CACNA2D3: variants seen among roughly 807,000 people sequenced by gnomAD.
The protein encoded by CACNA2D3 is calcium voltage-gated channel auxiliary subunit alpha2delta 3, also known as voltage-dependent calcium channel subunit alpha-2/delta-3.
CACNA2D3 carries 60 observed loss-of-function variants against 160.6 expected under a neutral mutation model. The observed-to-expected ratio is 0.37, with a 90% CI of 0.30 to 0.46. The LOEUF (loss-of-function observed/expected upper bound fraction) is 0.46, where lower values mean the gene tolerates loss of function less well. CACNA2D3 is among the 20% of genes least tolerant of loss of function. The probability of loss-of-function intolerance (pLI) is 1.00; values close to 1 mark genes in which losing one functional copy is unlikely to be tolerated. For missense variants in CACNA2D3, 1,205 were observed against 1,365.0 expected (o/e 0.88, Z 1.85); for synonymous variants, 558 against 492.9 (o/e 1.13, Z -1.75).
At chr3:54,867,633 C>A (rs141108827) in intron 17 of CACNA2D3, among the ~76,000 whole-genome samples, 138 of 151,994 alleles carry the variant, frequency 9.1e-4, no homozygotes, top group African/African-American at 3.0e-3. Context: ...TCCAGGTGCA[C>A]ACACCACCTT....
chr3:54,862,862 G>C (rs1026177113), intron 17 of CACNA2D3, among the ~76,000 whole-genome samples: 1 of 152,178 alleles, frequency 6.6e-6, no homozygotes, highest in African/African-American at 2.4e-5. Flanking sequence ...AGTGAATAAA[G>C]GAAGTCAATG....
chr3:55,033,830 A>ATATTTATTATATATTAAATATATTT lies in CACNA2D3; in HGVS notation c.2987+15516_2987+15517insTTATTATATATTAAATATATTTTAT, dbSNP rs1559469603. ...ATGTATTATATATTAAATATATTTA[A>ATATTTATTATATATTAAATATATTT]TATATAATATATATTACATATTAAA... On this transcript the variant is annotated intron_variant, in intron 35 of 37. Coordinates refer to ENST00000474759, the MANE Select transcript of CACNA2D3 (RefSeq NM_018398.3). 6.3e-5 allele frequency among the ~76,000 whole-genome samples: 3 copies of ATATTTATTATATATTAAATATATTT among 47,910 alleles called. 1 individual carries two copies. Among genetic ancestry groups the ATATTTATTATATATTAAATATATTT allele is most frequent in the East Asian group, 9.6e-4 (2 of 2,094 alleles). 31.4% of individuals were successfully genotyped at this position (47,910 alleles called of 152,430 possible). A position where few individuals can be genotyped will look rare whatever the true frequency, so the allele number is the denominator to read the frequency against.
At chr3:54,986,541 A>G (rs1439882476) in intron 30 of CACNA2D3, among the ~76,000 whole-genome samples, 1 of 152,118 alleles carries the variant, frequency 6.6e-6, no homozygotes, top group Non-Finnish European at 1.5e-5. Flanking sequence ...CAGTCAGAGA[A>G]ATGTTGTTTC....
intron 27 of CACNA2D3, among the ~76,000 whole-genome samples, chr3:54,933,051 CCCTT>C (rs60554563): frequency 0.058 from 8,086 of 139,120 alleles, 303 homozygotes; most frequent in Middle Eastern, 0.076. Context: ...ATCCATCCCT[CCCTT>C]CCTTCCTTCC....
At chr3:54,985,257 A>G (rs954178946) in intron 30 of CACNA2D3, among the ~76,000 whole-genome samples, 2 of 152,108 alleles carry the variant, frequency 1.3e-5, no homozygotes, top group African/African-American at 4.8e-5. Flanking sequence ...TGGGAGGGAG[A>G]GAGATGAAAA....
intron 3 of CACNA2D3, among the ~76,000 whole-genome samples, chr3:54,345,683 A>C (rs550185156): frequency 2.6e-4 from 39 of 152,126 alleles, no homozygotes; most frequent in Non-Finnish European, 5.1e-4. Context: ...AGTGTCACTT[A>C]ATGGAGTGTC....
At chr3:54,167,376 T>C (rs1163378689) in intron 2 of CACNA2D3, among the ~76,000 whole-genome samples, 1 of 152,202 alleles carries the variant, frequency 6.6e-6, no homozygotes, top group Non-Finnish European at 1.5e-5. Context: ...CTCCCCAGCC[T>C]TCTGCTTTTC....
At chr3:54,512,812 C>G (rs931394415) in intron 5 of CACNA2D3, among the ~76,000 whole-genome samples, 5 of 152,336 alleles carry the variant, frequency 3.3e-5, no homozygotes, top group Non-Finnish European at 7.3e-5. Flanking sequence ...TGTTTTCATA[C>G]TGCTGATAAA....
intron 3 of CACNA2D3, among the ~76,000 whole-genome samples, chr3:54,359,053 G>A (rs1698698814): frequency 6.6e-6 from 1 of 151,994 alleles, no homozygotes; most frequent in Non-Finnish European, 1.5e-5. Flanking sequence ...AGTATATTTA[G>A]TATTTCATAA....
At chr3:54,710,014 G>A (rs1216901507) in intron 11 of CACNA2D3, among the ~76,000 whole-genome samples, 3 of 152,112 alleles carry the variant, frequency 2.0e-5, no homozygotes, top group Non-Finnish European at 2.9e-5. Context: ...TTTCACACAC[G>A]CACACAGGGA....
chr3:55,044,047 CCTTTA>C (rs1486561697), intron 35 of CACNA2D3, among the ~76,000 whole-genome samples: 4 of 152,124 alleles, frequency 2.6e-5, no homozygotes, highest in African/African-American at 7.2e-5. Flanking sequence ...CAAGAAGAAT[CCTTTA>C]CTTTATTCTT....
In CACNA2D3 at chr3:54,501,264, T is replaced by C. The variant is rs575954693; in HGVS notation, c.382-2228T>C. 2.0e-4 allele frequency among the ~76,000 whole-genome samples: 31 copies of C among 152,356 alleles called. No individual in the cohort carries two copies. The South Asian group carries it at 2.1e-3, about 10-fold the overall frequency. ...ATTCCACATTCCTCCCTCCGGTTTC[T>C]TATAACACTGCTATTATTCATTTCA... On this transcript the variant is annotated intron_variant, in intron 4 of 37. Coordinates refer to ENST00000474759, the MANE Select transcript of CACNA2D3 (RefSeq NM_018398.3).
intron 2 of CACNA2D3, among the ~76,000 whole-genome samples, chr3:54,145,297 C>T (rs1199033366): frequency 6.6e-6 from 1 of 152,238 alleles, no homozygotes; most frequent in Middle Eastern, 3.4e-3. Context: ...TTTGCAGATG[C>T]GAAGTTGCGC....
At chr3:54,170,540 T>C (rs558909494) in intron 2 of CACNA2D3, among the ~76,000 whole-genome samples, 8 of 152,308 alleles carry the variant, frequency 5.3e-5, no homozygotes, top group Non-Finnish European at 8.8e-5. Flanking sequence ...AATGCCAAAA[T>C]ATTGCTGCTG....
intron 4 of CACNA2D3, among the ~76,000 whole-genome samples, chr3:54,478,840 T>A: frequency 6.6e-6 from 1 of 150,778 alleles, no homozygotes; most frequent in African/African-American, 2.4e-5. Flanking sequence ...CAGATAACCC[T>A]TATTTTACTT....
chr3:54,950,283 T>C (rs1042300381), intron 27 of CACNA2D3, among the ~76,000 whole-genome samples: 2 of 152,170 alleles, frequency 1.3e-5, no homozygotes, highest in African/African-American at 4.8e-5. Flanking sequence ...CAAATGAACG[T>C]AGATGTTATT....
intron 3 of CACNA2D3, among the ~76,000 whole-genome samples, chr3:54,369,879 GACA>G (rs573831118): frequency 2.0e-5 from 3 of 152,138 alleles, no homozygotes; most frequent in Non-Finnish European, 4.4e-5. Flanking sequence ...TACTAGATGT[GACA>G]ACAAATTCCT....
chr3:54,462,412 G>A lies in CACNA2D3; in HGVS notation c.382-41080G>A, dbSNP rs539152717. On this transcript the variant is annotated intron_variant, in intron 4 of 37. Transcript: ENST00000474759. ...CCATTACTATTGTGTGGGAGTCTAAGTCTCTTTGTATGTCACTCAGGACTT... is the reference window on the plus strand; with the variant it reads ...CCATTACTATTGTGTGGGAGTCTAAATCTCTTTGTATGTCACTCAGGACTT... Among the ~76,000 whole-genome samples the A allele has an allele frequency of 3.9e-5, 6 of 152,274 alleles. No individual in the cohort carries two copies. The South Asian group carries it at 1.2e-3, about 32-fold the overall frequency.
rs1699535762 is a variant in CACNA2D3 at position 54,642,172 on chromosome 3, G to T, written c.1098G>T (p.Met366Ile). 1.9e-6 allele frequency: 3 copies of T among 1,613,096 alleles called. No individual in the cohort carries two copies. The highest frequency in any genetic ancestry group is 1.7e-5 in the Admixed American group (1 of 59,914). ...GQGSICSQAI[M>I]LITDGAVDTY... ...GAAGTATCTGCAGTCAGGCCATCAT[G>T]CTCATAACTGATGGGGCGGTGGACA... The change falls in exon 11 of 38, where the codon ATG (methionine) becomes ATT (isoleucine). Residue 366 changes from methionine to isoleucine, a missense_variant. Physicochemically the swap from Met to Ile is conservative, Grantham distance 10 (BLOSUM62 1). This residue lies in a region of CACNA2D3 where 911 missense variants were observed against 1,002.2 expected (regional missense o/e 0.91). Transcript: ENST00000474759.
Sources: allele counts gnomAD v4.1 joint callset (sites outside exome capture counted in the v4.1 genomes callset), GRCh38; gene constraint gnomAD v4.1.1; regional missense constraint gnomAD v4.1.1; transcripts MANE v1.5; gene names NCBI Gene and HGNC (gene_info 2026-07-23, HGNC 2026-07-21).